SHANK2: variants seen among roughly 807,000 people sequenced by gnomAD.
The protein encoded by SHANK2 is SH3 and multiple ankyrin repeat domains 2.
SHANK2 carries 43 observed loss-of-function variants against 133.7 expected under a neutral mutation model. That is an observed-to-expected ratio of 0.32 (90% confidence interval 0.25 to 0.41). The LOEUF (loss-of-function observed/expected upper bound fraction) is 0.41, where lower values mean the gene tolerates loss of function less well. Among genes scored for constraint, SHANK2 ranks in the 10% least tolerant of loss-of-function variants. SHANK2 has a pLI of 1.00. For synonymous variants in SHANK2, 1,017 were observed against 952.8 expected (o/e 1.07, Z -1.24); for missense variants, 1,994 against 2,235.8 (o/e 0.89, Z 2.18).
intron 14 of SHANK2, among the ~76,000 whole-genome samples, chr11:70,760,045 A>G (rs1336412663): frequency 6.6e-6 from 1 of 152,234 alleles, no homozygotes; most frequent in Non-Finnish European, 1.5e-5. Flanking sequence ...GAGGCTGCTC[A>G]CTGAGCGGCT....
chr11:70,907,632 A>G (rs1397197482), intron 10 of SHANK2: 1 of 207,866 alleles, frequency 4.8e-6, no homozygotes, highest in Non-Finnish European at 1.0e-5. Context: ...TAAGGAGATG[A>G]TATCATGGCT....
At chr11:71,129,712 A>G (rs1952261640) in intron 3 of SHANK2, among the ~76,000 whole-genome samples, 2 of 152,178 alleles carry the variant, frequency 1.3e-5, no homozygotes, top group Non-Finnish European at 2.9e-5. Flanking sequence ...CATGAGTTAC[A>G]AGTATTCTGC....
intron 8 of SHANK2, among the ~76,000 whole-genome samples, chr11:71,085,743 A>G (rs1368925617): frequency 1.3e-5 from 1 of 75,406 alleles, no homozygotes; most frequent in Non-Finnish European, 2.3e-5. Flanking sequence ...AATATATTAT[A>G]TAATATATTA....
chr11:70,583,475 G>C (rs2060209791), intron 17 of SHANK2, among the ~76,000 whole-genome samples: 1 of 152,226 alleles, frequency 6.6e-6, no homozygotes. Context: ...CAAGTGCTCG[G>C]TGAATACTGG....
At chr11:71,085,732 T>TTATATGTTATATATATTATATTATATA (rs1951386144) in intron 8 of SHANK2, among the ~76,000 whole-genome samples, 1 of 52,740 alleles carries the variant, frequency 1.9e-5, no homozygotes, top group Non-Finnish European at 3.3e-5. Context: ...ATATAAAATA[T>TTATATGTTATATATATTATATTATATA]AATATATTAT....
At chr11:71,229,296 A>G (rs1954696867) in intron 1 of SHANK2, among the ~76,000 whole-genome samples, 1 of 152,238 alleles carries the variant, frequency 6.6e-6, no homozygotes, top group African/African-American at 2.4e-5. Flanking sequence ...CCCTATTTGC[A>G]CACAGCATGA....
intron 10 of SHANK2, among the ~76,000 whole-genome samples, chr11:70,951,474 T>C (rs4338552): frequency 0.94 from 138,662 of 147,318 alleles, 65,012 homozygotes; most frequent in Non-Finnish European, 0.98. Context: ...TTTCCCCTGG[T>C]TGCTGCATGG....
chr11:71,132,573 G>C (rs1555103869), intron 3 of SHANK2, among the ~76,000 whole-genome samples: 3 of 152,192 alleles, frequency 2.0e-5, no homozygotes, highest in African/African-American at 7.2e-5. Context: ...TTTATGTGCA[G>C]GCTACGGAGA....
intron 17 of SHANK2, among the ~76,000 whole-genome samples, chr11:70,588,339 G>C (rs1490226011): frequency 6.6e-6 from 1 of 152,224 alleles, no homozygotes; most frequent in Non-Finnish European, 1.5e-5. Flanking sequence ...TAGGCTTAGT[G>C]AGGAAGGCAT....
chr11:70,688,356 C>T (rs143670427), intron 15 of SHANK2, among the ~76,000 whole-genome samples: 1 of 152,298 alleles, frequency 6.6e-6, no homozygotes, highest in African/African-American at 2.4e-5. Flanking sequence ...AGGTGCTTGA[C>T]GTCATAAAAC....
At chr11:70,627,220 C>T (rs1469229589) in intron 17 of SHANK2, among the ~76,000 whole-genome samples, 2 of 152,204 alleles carry the variant, frequency 1.3e-5, no homozygotes, top group Admixed American at 1.3e-4. Flanking sequence ...CTCCACCCTC[C>T]TGAAGTTAGG....
Position 70,489,313 on chromosome 11 carries a change from G to GT in SHANK2, c.2572+14dup. On this transcript the variant is annotated intron_variant, in intron 24 of 25. Coordinates refer to ENST00000601538, the MANE Select transcript of SHANK2 (RefSeq NM_012309.5). Reference sequence around the variant, plus strand: ...ACATTCAGATTACAGATTCCAAACCGTAAGGTTCACTAACCTGATAGAAAG... The same window carrying GT: ...ACATTCAGATTACAGATTCCAAACCGTTAAGGTTCACTAACCTGATAGAAAG... 1 of 1,611,918 alleles carries GT rather than the reference G, an allele frequency of 6.2e-7. No homozygotes were observed. The highest frequency in any genetic ancestry group is 2.2e-5 in the East Asian group (1 of 44,878).
chr11:70,482,325 C>G (rs978083065), intron 25 of SHANK2, among the ~76,000 whole-genome samples: 2 of 151,226 alleles, frequency 1.3e-5, no homozygotes, highest in African/African-American at 4.8e-5. Context: ...AGTGACTAAG[C>G]CTGCTATTAG....
chr11:70,814,661 C>T (rs1948352164), intron 12 of SHANK2, among the ~76,000 whole-genome samples: 1 of 152,274 alleles, frequency 6.6e-6, no homozygotes, highest in African/African-American at 2.4e-5. Flanking sequence ...TGCCGGGGTC[C>T]AGCCCCTGCC....
At chr11:70,848,775 A>T (rs562318779) in intron 11 of SHANK2, among the ~76,000 whole-genome samples, 32 of 152,292 alleles carry the variant, frequency 2.1e-4, no homozygotes, top group Admixed American at 1.1e-3. Flanking sequence ...CCAGTGATGC[A>T]AGCCACCCTC....
chr11:71,115,502 CA>C (rs1231306313), intron 4 of SHANK2, among the ~76,000 whole-genome samples: 1 of 152,142 alleles, frequency 6.6e-6, no homozygotes, highest in Non-Finnish European at 1.5e-5. Context: ...AAAGTATCAG[CA>C]ACAATTTCAT....
intron 15 of SHANK2, among the ~76,000 whole-genome samples, chr11:70,680,323 C>T (rs1253463869): frequency 1.3e-5 from 2 of 152,312 alleles, no homozygotes; most frequent in Admixed American, 1.3e-4. Context: ...TAGCCTCTTA[C>T]AGTTCTGGGG....
At chr11:70,814,492 G>A (rs1400418955) in intron 12 of SHANK2, among the ~76,000 whole-genome samples, 1 of 152,182 alleles carries the variant, frequency 6.6e-6, no homozygotes, top group Non-Finnish European at 1.5e-5. Flanking sequence ...GCCCCTCTGC[G>A]GGCCCCACTC....
chr11:70,766,364 T>C (rs1458432338), intron 14 of SHANK2, among the ~76,000 whole-genome samples: 16 of 152,238 alleles, frequency 1.1e-4, no homozygotes. Context: ...GTTCTTTAGT[T>C]GTTTTTCTGT....
Sources: gnomAD v4.1 joint callset for allele counts (sites outside exome capture counted in the v4.1 genomes callset) on GRCh38, gnomAD v4.1.1 for gene constraint, MANE v1.5 for transcripts, NCBI Gene and HGNC (gene_info 2026-07-23, HGNC 2026-07-21) for gene names.